CRPPA: variants seen among roughly 807,000 people sequenced by gnomAD.
The protein encoded by CRPPA is CDP-L-ribitol pyrophosphorylase A, also known as D-ribitol-5-phosphate cytidylyltransferase.
Under a neutral mutation model 52.0 loss-of-function variants are expected in CRPPA, and 43 were observed. The observed-to-expected ratio is 0.83, with a 90% CI of 0.65 to 1.07. CRPPA has a LOEUF of 1.07. Among genes scored for constraint, CRPPA ranks in the 50% least tolerant of loss-of-function variants. The pLI is 0.00. For synonymous variants in CRPPA, 250 were observed against 203.5 expected (o/e 1.23, Z -1.94); for missense variants, 629 against 551.7 (o/e 1.14, Z -1.40).
chr7:16,382,902 T>G (rs1787149776), intron 2 of CRPPA, among the ~76,000 whole-genome samples: 1 of 152,198 alleles, frequency 6.6e-6, no homozygotes, highest in African/African-American at 2.4e-5. Context: ...TCTAAATTTT[T>G]TTCAAAGTTT....
rs576109849 is a variant in CRPPA at position 16,330,729 on chromosome 7, G to A, written c.685-22102C>T. On this transcript the variant is annotated intron_variant, in intron 3 of 9. Coordinates refer to ENST00000407010, the MANE Select transcript of CRPPA (RefSeq NM_001101426.4). Reference sequence around the variant, plus strand: ...AATTTCTTCCTGCTTCCAGCAGGGAGAAGGAAAATAAAAAAAATTGTTTTA... The same window carrying A: ...AATTTCTTCCTGCTTCCAGCAGGGAAAAGGAAAATAAAAAAAATTGTTTTA... 7.9e-5 allele frequency among the ~76,000 whole-genome samples: 12 copies of A among 152,234 alleles called. No homozygotes were observed. The East Asian group carries it at 1.7e-3, about 22-fold the overall frequency.
chr7:16,351,773 G>C (rs1181669358), intron 3 of CRPPA, among the ~76,000 whole-genome samples: 1 of 152,180 alleles, frequency 6.6e-6, no homozygotes, highest in Non-Finnish European at 1.5e-5. Flanking sequence ...ACAGATGCTG[G>C]AGAGGATGTG....
At chr7:16,317,637 A>G (rs1303566165) in intron 3 of CRPPA, among the ~76,000 whole-genome samples, 1 of 152,158 alleles carries the variant, frequency 6.6e-6, no homozygotes. Flanking sequence ...ATGTGATCAC[A>G]TTCTATCTAT....
chr7:16,402,086 C>G (rs1050728578), intron 2 of CRPPA, among the ~76,000 whole-genome samples: 1 of 139,616 alleles, frequency 7.2e-6, no homozygotes, highest in Admixed American at 7.2e-5. Flanking sequence ...AATTTCCACA[C>G]TAAGACCCAT....
At chr7:16,218,859 C>G (rs2128399474) in intron 8 of CRPPA, among the ~76,000 whole-genome samples, 1 of 150,154 alleles carries the variant, frequency 6.7e-6, no homozygotes, top group South Asian at 2.1e-4. Flanking sequence ...TTTAACACCC[C>G]ACTGTCAACA....
chr7:16,309,943 T>C (rs971025547), intron 3 of CRPPA, among the ~76,000 whole-genome samples: 2 of 152,048 alleles, frequency 1.3e-5, no homozygotes, highest in African/African-American at 4.8e-5. Context: ...AGTCAATCGC[T>C]AAATAAAATT....
chr7:16,397,749 C>T (rs768220851), intron 2 of CRPPA, among the ~76,000 whole-genome samples: 1 of 152,188 alleles, frequency 6.6e-6, no homozygotes, highest in Non-Finnish European at 1.5e-5. Flanking sequence ...ACGCGAATGA[C>T]ACGATTGGCA....
intron 9 of CRPPA, among the ~76,000 whole-genome samples, chr7:16,151,113 C>A (rs1391279180): frequency 6.6e-6 from 1 of 152,116 alleles, no homozygotes; most frequent in Non-Finnish European, 1.5e-5. Flanking sequence ...TGTTAACACA[C>A]CAGTAGGATT....
chr7:16,387,074 TATATATATATATAC>T lies in CRPPA; in HGVS notation c.535-10847_535-10834del, dbSNP rs1288008202. Among the ~76,000 whole-genome samples the T allele has an allele frequency of 1.9e-3, 130 of 69,798 alleles. 3 individuals carry two copies. The highest frequency in any genetic ancestry group is 0.011 in the Middle Eastern group (2 of 180). 45.8% of individuals were successfully genotyped at this position (69,798 alleles called of 152,430 possible). A position where few individuals can be genotyped will look rare whatever the true frequency, so the allele number is the denominator to read the frequency against. Reference sequence around the variant, plus strand: ...ATATATATATATATATATATATATATATATATATATATACACACATATATATATGTATATACACA... The same window carrying T: ...ATATATATATATATATATATATATATACACATATATATATGTATATACACA... On this transcript the variant is annotated intron_variant, in intron 2 of 9. Coordinates refer to ENST00000407010, the MANE Select transcript of CRPPA (RefSeq NM_001101426.4).
intron 8 of CRPPA, among the ~76,000 whole-genome samples, chr7:16,256,294 G>A (rs568543505): frequency 6.6e-6 from 1 of 152,162 alleles, no homozygotes; most frequent in Non-Finnish European, 1.5e-5. Context: ...AGATGCTGGA[G>A]AGGATGTGGA....
chr7:16,228,266 C>T (rs760738863), intron 8 of CRPPA, among the ~76,000 whole-genome samples: 9 of 151,788 alleles, frequency 5.9e-5, no homozygotes, highest in Non-Finnish European at 1.2e-4. Flanking sequence ...AAAAAACTCA[C>T]TCTTAGTTTC....
intron 9 of CRPPA, among the ~76,000 whole-genome samples, chr7:16,204,653 G>A (rs1781929245): frequency 6.6e-6 from 1 of 152,134 alleles, no homozygotes. Flanking sequence ...AGAAGGCACA[G>A]AGTCAGCAAT....
At chr7:16,204,706 C>T (rs969533876) in intron 9 of CRPPA, among the ~76,000 whole-genome samples, 2 of 152,148 alleles carry the variant, frequency 1.3e-5, no homozygotes, top group African/African-American at 4.8e-5. Context: ...AATTTTGAGT[C>T]AAACTACAGA....
At chr7:16,245,964 T>C (rs968575402) in intron 8 of CRPPA, among the ~76,000 whole-genome samples, 1 of 152,046 alleles carries the variant, frequency 6.6e-6, no homozygotes, top group African/African-American at 2.4e-5. Context: ...ACGGTGGTGG[T>C]TGCTCAAGGT....
At chr7:16,231,311 C>T (rs927454399) in intron 8 of CRPPA, among the ~76,000 whole-genome samples, 1 of 152,082 alleles carries the variant, frequency 6.6e-6, no homozygotes, top group Non-Finnish European at 1.5e-5. Flanking sequence ...AACGTATTTT[C>T]ACATGTGGAT....
At position 16,402,751 on chromosome 7, in the gene CRPPA, A is replaced by G. The variant is rs571604692; in HGVS notation, c.534+3310T>C. On this transcript the variant is annotated intron_variant, in intron 2 of 9. Coordinates refer to ENST00000407010, the MANE Select transcript of CRPPA (RefSeq NM_001101426.4). The stretch of plus-strand genomic sequence containing the variant: ...ACAAGTTACCTAGGATGCAGCATAC[A>G]AAAACAGCAATATGAAAGAGAACTT... Among the ~76,000 whole-genome samples, 230 of 152,296 alleles carry G rather than the reference A, an allele frequency of 1.5e-3. 2 individuals carry two copies. Among genetic ancestry groups the G allele is most frequent in the African/African-American group, 5.4e-3 (224 of 41,580 alleles).
intron 1 of CRPPA, among the ~76,000 whole-genome samples, chr7:16,408,126 A>AT (rs1562689363): frequency 6.7e-6 from 1 of 149,674 alleles, no homozygotes; most frequent in African/African-American, 2.5e-5. Context: ...AAAAAATAAA[A>AT]AAATAACTTA....
chr7:16,419,744 CTA>C (rs1032565329), intron 1 of CRPPA, among the ~76,000 whole-genome samples: 3 of 152,034 alleles, frequency 2.0e-5, no homozygotes, highest in Admixed American at 1.3e-4. Flanking sequence ...CATAGACCCC[CTA>C]TGATTCCATC....
At chr7:16,320,111 T>G (rs1444190974) in intron 3 of CRPPA, among the ~76,000 whole-genome samples, 1 of 152,166 alleles carries the variant, frequency 6.6e-6, no homozygotes, top group East Asian at 1.9e-4. Flanking sequence ...CCTATTCTTT[T>G]GAGGATTTGT....
Sources: gnomAD v4.1 joint callset for allele counts (sites outside exome capture counted in the v4.1 genomes callset) on GRCh38, gnomAD v4.1.1 for gene constraint, MANE v1.5 for transcripts, NCBI Gene and HGNC (gene_info 2026-07-23, HGNC 2026-07-21) for gene names.